TAMM41: variants seen among roughly 807,000 people sequenced by gnomAD.
The protein encoded by TAMM41 is TAM41 mitochondrial translocator assembly and maintenance homolog, also known as phosphatidate cytidylyltransferase, mitochondrial.
A neutral mutation model predicts 44.1 loss-of-function variants in TAMM41; 36 were observed. The ratio of observed to expected loss-of-function variants is 0.82; its 90% CI spans 0.63 to 1.08. TAMM41 has a LOEUF of 1.08. TAMM41 is among the 50% of genes least tolerant of loss of function. TAMM41 has a pLI of 0.00. For synonymous variants in TAMM41, 164 were observed against 153.1 expected (o/e 1.07, Z -0.53); for missense variants, 417 against 404.3 (o/e 1.03, Z -0.27).
the TAMM41 span, among the ~76,000 whole-genome samples, chr3:11,744,547 T>C: frequency 1.3e-5 from 2 of 151,734 alleles, no homozygotes; most frequent in African/African-American, 4.8e-5. Context: ...AAAGAAAAAT[T>C]AGCCAGGCAT....
the TAMM41 span, among the ~76,000 whole-genome samples, chr3:11,722,262 T>G: frequency 6.6e-6 from 1 of 152,186 alleles, no homozygotes; most frequent in Non-Finnish European, 1.5e-5. Context: ...TCTCACTCTT[T>G]GCCTTACATC....
At chr3:11,754,846 G>A in the TAMM41 span, among the ~76,000 whole-genome samples, 94 of 151,370 alleles carry the variant, frequency 6.2e-4, 1 homozygote, top group African/African-American at 2.1e-3. Context: ...TCACAGGCAT[G>A]AGCCACCATG....
chr3:11,805,554 G>A (rs912590870), intron 7 of TAMM41, among the ~76,000 whole-genome samples: 1 of 152,172 alleles, frequency 6.6e-6, no homozygotes, highest in African/African-American at 2.4e-5. Context: ...TTATAAGTGT[G>A]AGCCACCATG....
chr3:11,736,798 G>A, the TAMM41 span, among the ~76,000 whole-genome samples: 1 of 152,114 alleles, frequency 6.6e-6, no homozygotes, highest in Non-Finnish European at 1.5e-5. Context: ...GCTCCCAAGT[G>A]TCTGGCCACT....
intron 4 of TAMM41, among the ~76,000 whole-genome samples, chr3:11,818,622 C>T (rs998502543): frequency 5.3e-5 from 8 of 152,082 alleles, no homozygotes; most frequent in Admixed American, 2.0e-4. Flanking sequence ...CCAGGCTGGG[C>T]GCGGTGGCTC....
the TAMM41 span, among the ~76,000 whole-genome samples, chr3:11,777,224 A>G: frequency 6.6e-6 from 1 of 152,218 alleles, no homozygotes; most frequent in Non-Finnish European, 1.5e-5. Context: ...ACATCAAATC[A>G]TGAGATTGTA....
intron 7 of TAMM41, among the ~76,000 whole-genome samples, chr3:11,799,025 G>A (rs2077680205): frequency 1.3e-5 from 2 of 151,828 alleles, no homozygotes; most frequent in Admixed American, 1.3e-4. Context: ...AACAAGCCTG[G>A]GCAACATAGT....
chr3:11,732,211 CTTCCTCTATTTCTTCG>C, the TAMM41 span, among the ~76,000 whole-genome samples: 1 of 151,986 alleles, frequency 6.6e-6, no homozygotes, highest in African/African-American at 2.4e-5. Flanking sequence ...CCCTTTCTTC[CTTCCTCTATTTCTTCG>C]TTCATCCTTT....
the TAMM41 span, among the ~76,000 whole-genome samples, chr3:11,755,165 G>A: frequency 6.6e-6 from 1 of 152,090 alleles, no homozygotes; most frequent in Non-Finnish European, 1.5e-5. Flanking sequence ...AGACAGCAAA[G>A]CCTGGATAAC....
chr3:11,731,399 A>G, the TAMM41 span, among the ~76,000 whole-genome samples: 10 of 152,026 alleles, frequency 6.6e-5, no homozygotes, highest in African/African-American at 2.2e-4. Context: ...GGAGGCTGAG[A>G]CAGGAGGATC....
At chr3:11,770,924 G>C in the TAMM41 span, among the ~76,000 whole-genome samples, 1 of 152,234 alleles carries the variant, frequency 6.6e-6, no homozygotes, top group Admixed American at 6.5e-5. Context: ...GGCCAGGCTC[G>C]CAGACAAGTG....
At chr3:11,802,134 C>T (rs551051452) in intron 7 of TAMM41, among the ~76,000 whole-genome samples, 1 of 152,272 alleles carries the variant, frequency 6.6e-6, no homozygotes, top group East Asian at 1.9e-4. Flanking sequence ...GGGAGGATTG[C>T]TTAAGCCTGG....
chr3:11,728,837 C>T, the TAMM41 span, among the ~76,000 whole-genome samples: 22 of 152,082 alleles, frequency 1.4e-4, no homozygotes, highest in African/African-American at 3.4e-4. Context: ...AGTGAAACCC[C>T]GTCGCCACTA....
At chr3:11,745,567 A>G in the TAMM41 span, among the ~76,000 whole-genome samples, 2 of 152,212 alleles carry the variant, frequency 1.3e-5, no homozygotes, top group African/African-American at 4.8e-5. Context: ...AGTGAAATAA[A>G]CTAGTCACAA....
chr3:11,777,908 A>T, the TAMM41 span, among the ~76,000 whole-genome samples: 1 of 151,746 alleles, frequency 6.6e-6, no homozygotes, highest in Non-Finnish European at 1.5e-5. Flanking sequence ...TCTTAGCTTC[A>T]CTCCTAAGCC....
the TAMM41 span, among the ~76,000 whole-genome samples, chr3:11,775,214 T>C: frequency 0.071 from 1,034 of 14,630 alleles, 7 homozygotes; most frequent in South Asian, 0.18. Context: ...TTTTTTTGGT[T>C]GGGGGACACA....
intron 4 of TAMM41, among the ~76,000 whole-genome samples, chr3:11,818,027 T>C (rs2078351266): frequency 6.6e-6 from 1 of 152,118 alleles, no homozygotes; most frequent in African/African-American, 2.4e-5. Context: ...CTGACAACCA[T>C]CGGCAAGATG....
chr3:11,844,655 A>G (rs981965615), intron 1 of TAMM41, among the ~76,000 whole-genome samples: 4 of 152,190 alleles, frequency 2.6e-5, no homozygotes, highest in African/African-American at 7.2e-5. Flanking sequence ...ATGTAGCTAA[A>G]TGTGCTCCGC....
At chr3:11,808,199 T>C in intron 6 of TAMM41, 1 of 1,079,832 alleles carries the variant, frequency 9.3e-7, no homozygotes, top group Non-Finnish European at 1.2e-6. Flanking sequence ...ATTTTATGAC[T>C]TAAATCTGCT....
Sources: allele counts gnomAD v4.1 joint callset (sites outside exome capture counted in the v4.1 genomes callset), GRCh38; gene constraint gnomAD v4.1.1; transcripts MANE v1.5; gene names NCBI Gene and HGNC (gene_info 2026-07-23, HGNC 2026-07-21).